The following PCDH9 variants were observed in gnomAD, a reference collection of about 807,000 sequenced individuals.
The protein encoded by PCDH9 is protocadherin 9, also known as protocadherin-9.
A neutral mutation model predicts 70.6 loss-of-function variants in PCDH9; 24 were observed. That is an observed-to-expected ratio of 0.34 (90% CI 0.25 to 0.48). The LOEUF is 0.48. Ranked by LOEUF, PCDH9 falls within the 20% of genes least tolerant of loss-of-function variation. The probability of loss-of-function intolerance (pLI) is 0.99; values close to 1 mark genes in which losing one functional copy is unlikely to be tolerated. For synonymous variants in PCDH9, 562 were observed against 558.5 expected, an observed-to-expected ratio of 1.01 and a Z score of -0.09; for missense variants, 1,281 against 1,503.6, an observed-to-expected ratio of 0.85 and a Z score of 2.45.
At chr13:66,324,588 C>T (rs1290397775) in intron 4 of PCDH9, among the ~76,000 whole-genome samples, 2 of 151,826 alleles carry the variant, frequency 1.3e-5, no homozygotes, top group Non-Finnish European at 2.9e-5. Context: ...ACTATATGTG[C>T]CAATTACAAT....
chr13:67,110,936 G>C (rs2086647458), intron 2 of PCDH9, among the ~76,000 whole-genome samples: 1 of 152,140 alleles, frequency 6.6e-6, no homozygotes, highest in Admixed American at 6.5e-5. Flanking sequence ...AGGATTATAG[G>C]CTTATCCATT....
intron 3 of PCDH9, among the ~76,000 whole-genome samples, chr13:66,835,246 G>A (rs907359539): frequency 6.6e-6 from 1 of 152,314 alleles, no homozygotes. Context: ...AATTCATGGC[G>A]GTTCCCAGAA....
At chr13:66,580,742 G>A (rs1027694488) in intron 4 of PCDH9, among the ~76,000 whole-genome samples, 2 of 151,910 alleles carry the variant, frequency 1.3e-5, no homozygotes, top group Admixed American at 6.6e-5. Context: ...TTAAATGAGT[G>A]TATCTTATGA....
At chr13:66,314,506 G>A (rs982331513) in intron 4 of PCDH9, among the ~76,000 whole-genome samples, 31 of 152,286 alleles carry the variant, frequency 2.0e-4, no homozygotes, top group African/African-American at 6.7e-4. Flanking sequence ...CTATGTGAGC[G>A]CATGTAATCA....
intron 4 of PCDH9, among the ~76,000 whole-genome samples, chr13:66,622,951 G>T (rs907886658): frequency 2.0e-5 from 3 of 151,912 alleles, no homozygotes; most frequent in Non-Finnish European, 2.9e-5. Context: ...CGAACGCACC[G>T]GGAGGAACGA....
chr13:66,947,851 A>T (rs1464801226), intron 2 of PCDH9, among the ~76,000 whole-genome samples: 1 of 152,134 alleles, frequency 6.6e-6, no homozygotes, highest in East Asian at 1.9e-4. Flanking sequence ...TTTGGGAAGC[A>T]GTCAGGTCTC....
At chr13:67,107,018 G>A (rs565016960) in intron 2 of PCDH9, among the ~76,000 whole-genome samples, 31 of 152,252 alleles carry the variant, frequency 2.0e-4, no homozygotes, top group South Asian at 8.3e-4. Flanking sequence ...ATGAACAGCC[G>A]GGGCACCATG....
At chr13:66,334,569 C>T (rs555352020) in intron 4 of PCDH9, among the ~76,000 whole-genome samples, 36 of 151,984 alleles carry the variant, frequency 2.4e-4, no homozygotes, top group Non-Finnish European at 5.1e-4. Flanking sequence ...TTGGACTTGC[C>T]AGCCTCCACA....
At chr13:66,998,618 G>A (rs1185469116) in intron 2 of PCDH9, among the ~76,000 whole-genome samples, 1 of 152,098 alleles carries the variant, frequency 6.6e-6, no homozygotes, top group East Asian at 1.9e-4. Context: ...CAAAATTAAG[G>A]AAAACATAAT....
At chr13:66,565,024 C>A (rs1287457963) in intron 4 of PCDH9, among the ~76,000 whole-genome samples, 1 of 151,960 alleles carries the variant, frequency 6.6e-6, no homozygotes, top group African/African-American at 2.4e-5. Flanking sequence ...AATGCAATAT[C>A]ATAAAATGTG....
chr13:66,509,299 T>C (rs762283058), intron 4 of PCDH9, among the ~76,000 whole-genome samples: 16 of 152,106 alleles, frequency 1.1e-4, no homozygotes, highest in Admixed American at 5.9e-4. Flanking sequence ...ACCCAGACAA[T>C]GTCTTTTTCA....
At chr13:66,447,240 T>C (rs1244544724) in intron 4 of PCDH9, among the ~76,000 whole-genome samples, 1 of 152,080 alleles carries the variant, frequency 6.6e-6, no homozygotes, top group Non-Finnish European at 1.5e-5. Flanking sequence ...CCTTTATCAA[T>C]TGAAGCATCC....
chr13:66,655,417 T>G (rs1447271006), intron 3 of PCDH9, among the ~76,000 whole-genome samples: 1 of 152,026 alleles, frequency 6.6e-6, no homozygotes, highest in Admixed American at 6.5e-5. Context: ...TGTTAAGGAC[T>G]ATTCAATGCA....
At chr13:67,053,454 A>T (rs1275979433) in intron 2 of PCDH9, among the ~76,000 whole-genome samples, 1 of 152,202 alleles carries the variant, frequency 6.6e-6, no homozygotes, top group Admixed American at 6.5e-5. Context: ...AAACAGTATA[A>T]AAAACACAAA....
chr13:66,857,345 T>C (rs1175524437), intron 3 of PCDH9, among the ~76,000 whole-genome samples: 6 of 152,124 alleles, frequency 3.9e-5, no homozygotes, highest in Admixed American at 3.9e-4. Flanking sequence ...GTACATTTGG[T>C]TTACTGAAAT....
In PCDH9 at chr13:66,948,713, G is replaced by A. The variant is rs200048222; in HGVS notation, c.3037-45108C>T. Reference sequence around the variant, plus strand: ...CAAATTTTAGCATTTTGTCAAGGAGGAATCTTGAACTCAGCAGTCTCATAC... The same window carrying A: ...CAAATTTTAGCATTTTGTCAAGGAGAAATCTTGAACTCAGCAGTCTCATAC... On this transcript the variant is annotated intron_variant, in intron 2 of 4. Transcript: ENST00000377865. 8.5e-5 allele frequency among the ~76,000 whole-genome samples: 13 copies of A among 152,108 alleles called. No homozygotes were observed. In the South Asian group the frequency reaches 1.0e-3, roughly 12 times the overall value.
intron 4 of PCDH9, among the ~76,000 whole-genome samples, chr13:66,334,482 C>G (rs1359235346): frequency 6.6e-6 from 1 of 151,960 alleles, no homozygotes; most frequent in Non-Finnish European, 1.5e-5. Context: ...ATGGAGACCC[C>G]CAACAGAAAG....
intron 3 of PCDH9, among the ~76,000 whole-genome samples, chr13:66,668,235 A>G (rs1293083912): frequency 6.6e-6 from 1 of 152,138 alleles, no homozygotes; most frequent in Non-Finnish European, 1.5e-5. Flanking sequence ...CAAGTATATA[A>G]CCAAAACATT....
Position 66,435,424 on chromosome 13 carries a change from C to T in PCDH9, c.3341-130396G>A, listed in dbSNP as rs150097453. On this transcript the variant is annotated intron_variant, in intron 4 of 4. Transcript: ENST00000377865. ...CAGGGTTTTATCAAAGCTAGTAATT[C>T]AATATAAAAGTATTACCATAACATT... Among the ~76,000 whole-genome samples the T allele has an allele frequency of 1.5e-3, 229 of 152,118 alleles. 1 individual carries two copies. Among genetic ancestry groups the T allele is most frequent in the Admixed American group, 2.5e-3 (38 of 15,270 alleles).
Sources: gnomAD v4.1 joint callset for allele counts (sites outside exome capture counted in the v4.1 genomes callset) on GRCh38, gnomAD v4.1.1 for gene constraint, MANE v1.5 for transcripts, NCBI Gene and HGNC (gene_info 2026-07-23, HGNC 2026-07-21) for gene names.